CSMD2: variants seen among roughly 807,000 people sequenced by gnomAD.
CSMD2 encodes the protein CUB and sushi domain-containing protein 2.
In CSMD2, 130 loss-of-function variants were observed where a neutral mutation model predicts 398.5. That is an observed-to-expected ratio of 0.33 (90% CI 0.28 to 0.38). The LOEUF is 0.38. Among genes scored for constraint, CSMD2 ranks in the 10% least tolerant of loss-of-function variants. The pLI is 1.00. For synonymous variants in CSMD2, 1,828 were observed against 1,908.5 expected (o/e 0.96, Z 1.10); for missense variants, 3,829 against 4,764.9 (o/e 0.80, Z 5.78).
intron 43 of CSMD2, among the ~76,000 whole-genome samples, chr1:33,601,504 GA>G (rs1640216056): frequency 6.6e-6 from 1 of 152,168 alleles, no homozygotes; most frequent in South Asian, 2.1e-4. Context: ...CCATTGCTTG[GA>G]AATCATGCTG....
At chr1:33,789,273 G>A (rs1211756990) in intron 11 of CSMD2, among the ~76,000 whole-genome samples, 1 of 152,168 alleles carries the variant, frequency 6.6e-6, no homozygotes, top group Non-Finnish European at 1.5e-5. Context: ...TTGAAGAAGA[G>A]GGTTTAAGCA....
At chr1:33,897,053 A>G (rs925322807) in intron 5 of CSMD2, among the ~76,000 whole-genome samples, 6 of 152,114 alleles carry the variant, frequency 3.9e-5, no homozygotes, top group African/African-American at 1.4e-4. Context: ...GAGGGTATTC[A>G]GGCCAAAACA....
At chr1:33,763,331 T>C (rs1346144443) in intron 13 of CSMD2, among the ~76,000 whole-genome samples, 1 of 152,210 alleles carries the variant, frequency 6.6e-6, no homozygotes, top group African/African-American at 2.4e-5. Context: ...TGACCTAATG[T>C]CTAGATCATC....
At chr1:33,674,480 G>A (rs1644628491) in intron 25 of CSMD2, among the ~76,000 whole-genome samples, 1 of 152,126 alleles carries the variant, frequency 6.6e-6, no homozygotes, top group African/African-American at 2.4e-5. Flanking sequence ...GACCTACAAA[G>A]AGACTTAGAC....
chr1:34,132,356 AC>A (rs1320593558), intron 1 of CSMD2, among the ~76,000 whole-genome samples: 1 of 151,952 alleles, frequency 6.6e-6, no homozygotes, highest in Non-Finnish European at 1.5e-5. Context: ...GGTGGCACCC[AC>A]CGAGAACCAT....
At chr1:34,073,278 T>A (rs1219020138) in intron 2 of CSMD2, among the ~76,000 whole-genome samples, 7 of 152,240 alleles carry the variant, frequency 4.6e-5, no homozygotes, top group African/African-American at 1.7e-4. Context: ...GTTAGGGGTT[T>A]GATAAAATCC....
At chr1:33,951,375 C>T (rs1645003175) in intron 3 of CSMD2, among the ~76,000 whole-genome samples, 1 of 152,166 alleles carries the variant, frequency 6.6e-6, no homozygotes, top group African/African-American at 2.4e-5. Flanking sequence ...GTCCTCCCTG[C>T]CCTCATTATG....
chr1:34,138,654 T>C (rs986657062), intron 1 of CSMD2, among the ~76,000 whole-genome samples: 2 of 152,226 alleles, frequency 1.3e-5, no homozygotes, highest in Non-Finnish European at 2.9e-5. Context: ...GGTAAATTCT[T>C]TGAAATGAAA....
chr1:33,752,534 T>A (rs1156713277), intron 13 of CSMD2, among the ~76,000 whole-genome samples: 3 of 152,192 alleles, frequency 2.0e-5, no homozygotes, highest in African/African-American at 7.2e-5. Context: ...ACCTCTTTTC[T>A]TTATAAATTA....
intron 56 of CSMD2, among the ~76,000 whole-genome samples, chr1:33,547,459 A>C (rs1000144521): frequency 6.6e-6 from 1 of 152,248 alleles, no homozygotes; most frequent in Non-Finnish European, 1.5e-5. Flanking sequence ...GTGGGCATCA[A>C]ATGGTAACAT....
At chr1:33,517,252 G>A (rs1300279278) in intron 70 of CSMD2, among the ~76,000 whole-genome samples, 2 of 152,202 alleles carry the variant, frequency 1.3e-5, no homozygotes, top group Non-Finnish European at 2.9e-5. Context: ...GAAGTGGTCA[G>A]AGGGGCCCTG....
chr1:33,925,086 G>A (rs1351703692), intron 4 of CSMD2, among the ~76,000 whole-genome samples: 1 of 151,996 alleles, frequency 6.6e-6, no homozygotes, highest in Non-Finnish European at 1.5e-5. Flanking sequence ...TGTTTTTGTT[G>A]CCTGTGCTTT....
rs998842927 is a variant in CSMD2 at position 33,720,569 on chromosome 1, G to A, written c.3001+3628C>T. Among the ~76,000 whole-genome samples, 8 of 152,314 alleles carry A rather than the reference G, an allele frequency of 5.3e-5. No individual in the cohort carries two copies. In the East Asian group the frequency reaches 5.8e-4, roughly 11 times the overall value. ...TTGTACAAATGTGTAAAGCTCTAGA[G>A]GAGAAGGGAAGCCTGGCAAGTTCCA... On this transcript the variant is annotated intron_variant, in intron 19 of 70. Coordinates refer to ENST00000373381, the MANE Select transcript of CSMD2 (RefSeq NM_001281956.2).
intron 21 of CSMD2, among the ~76,000 whole-genome samples, chr1:33,711,364 A>G (rs1206353994): frequency 6.6e-6 from 1 of 152,210 alleles, no homozygotes; most frequent in Non-Finnish European, 1.5e-5. Flanking sequence ...TTGGAGTTAG[A>G]TACATTGTGT....
chr1:33,526,608 C>G (rs542810550), intron 65 of CSMD2, among the ~76,000 whole-genome samples: 138 of 152,340 alleles, frequency 9.1e-4, no homozygotes, highest in South Asian at 5.4e-3. Context: ...AGAGGCGAAG[C>G]TCATTCGTCC....
chr1:33,650,650 G>A (rs138140821), intron 28 of CSMD2, among the ~76,000 whole-genome samples: 1 of 152,180 alleles, frequency 6.6e-6, no homozygotes, highest in African/African-American at 2.4e-5. Flanking sequence ...AAGCAATAGA[G>A]GGCCATGATA....
Position 33,626,516 on chromosome 1 carries a change from G to T in CSMD2, c.5266C>A (p.Pro1756Thr), listed in dbSNP as rs1267357231. ...LIKFSAKGLA[P>T]ARGFHFVYQA... ...TAGACAAAGTGGAAGCCTCTGGCTG[G>T]TGCGAGGCCTTTGGCGCTGAACTTA... The change falls in exon 33 of 71, where the codon CCA becomes ACA. Residue 1756 changes from proline (P) to threonine (T), a missense_variant. Physicochemically the swap from Pro to Thr is conservative, Grantham distance 38. Transcript: ENST00000373381. 6.2e-7 allele frequency: 1 copy of T among 1,608,922 alleles called. No homozygotes were observed. The highest frequency in any genetic ancestry group is 1.3e-5 in the African/African-American group (1 of 74,864).
chr1:33,652,923 T>C (rs1256596337), intron 27 of CSMD2, among the ~76,000 whole-genome samples: 1 of 151,816 alleles, frequency 6.6e-6, no homozygotes, highest in African/African-American at 2.4e-5. Flanking sequence ...CCCACCTAAT[T>C]TTTTTTTGTA....
intron 25 of CSMD2, among the ~76,000 whole-genome samples, chr1:33,678,446 C>A (rs1644794233): frequency 6.6e-6 from 1 of 152,090 alleles, no homozygotes; most frequent in Admixed American, 6.5e-5. Flanking sequence ...TGTTCCCAAC[C>A]AACAGTCACC....
Sources: allele counts gnomAD v4.1 joint callset (sites outside exome capture counted in the v4.1 genomes callset), GRCh38; gene constraint gnomAD v4.1.1; transcripts MANE v1.5; gene names NCBI Gene and HGNC (gene_info 2026-07-23, HGNC 2026-07-21).